The following SUSD6 variants were observed in gnomAD, a reference collection of about 807,000 sequenced individuals.
SUSD6 encodes sushi domain-containing protein 6.
Under a neutral mutation model 28.4 loss-of-function variants are expected in SUSD6, and 16 were observed. The observed-to-expected ratio is 0.56, with a 90% CI of 0.38 to 0.86. The LOEUF (loss-of-function observed/expected upper bound fraction) is 0.86, where lower values mean the gene tolerates loss of function less well. SUSD6 is among the 40% of genes least tolerant of loss of function. The pLI, the probability that SUSD6 is intolerant of heterozygous loss-of-function variation, is 0.00. For missense variants in SUSD6, 341 were observed against 384.2 expected (o/e 0.89, Z 0.94); for synonymous variants, 147 against 159.6 (o/e 0.92, Z 0.59).
rs192020617 is a variant in SUSD6, at chr14:69,637,455, C to G, written c.-80-21058C>G. Reference sequence around the variant, plus strand: ...AATGTTGAAGGAATGAATGTCCCCCCCTAACCAGGGTCAGCATACCCCAGT... The same window carrying G: ...AATGTTGAAGGAATGAATGTCCCCCGCTAACCAGGGTCAGCATACCCCAGT... On this transcript the variant is annotated intron_variant, in intron 1 of 5. Coordinates refer to ENST00000342745, the MANE Select transcript of SUSD6 (RefSeq NM_014734.4). Among the ~76,000 whole-genome samples the G allele has an allele frequency of 7.6e-4, 115 of 152,296 alleles. No homozygotes were observed. In the Middle Eastern group the frequency reaches 0.014, roughly 18 times the overall value.
chr14:69,660,992 T>C (rs1033142443), intron 2 of SUSD6, among the ~76,000 whole-genome samples: 1 of 152,196 alleles, frequency 6.6e-6, no homozygotes, highest in Non-Finnish European at 1.5e-5. Context: ...TAAGTATGCA[T>C]GTGAATGGAA....
chr14:69,667,750 T>G (rs1207004836), intron 2 of SUSD6, among the ~76,000 whole-genome samples: 1 of 152,164 alleles, frequency 6.6e-6, no homozygotes, highest in Non-Finnish European at 1.5e-5. Context: ...TGTGGCTCTC[T>G]GTTTTATACC....
intron 1 of SUSD6, among the ~76,000 whole-genome samples, chr14:69,655,258 T>G (rs916487529): frequency 1.3e-5 from 2 of 152,236 alleles, no homozygotes; most frequent in Non-Finnish European, 2.9e-5. Context: ...CCCTGTTCTT[T>G]TTAAACCTCT....
At chr14:69,666,333 C>G (rs1885741541) in intron 2 of SUSD6, among the ~76,000 whole-genome samples, 1 of 152,120 alleles carries the variant, frequency 6.6e-6, no homozygotes, top group African/African-American at 2.4e-5. Context: ...AGGGAGGCTA[C>G]CCTGTTGGTA....
At position 69,704,674 on chromosome 14, in the gene SUSD6, G is replaced by C. The variant is rs148189458; in HGVS notation, c.390G>C (p.Ala130=). ...TGGCTTCTACTGCCAGCTCCGTGGC[G>C]CTCATTCTCCTCCTCGTGGTGCTGT... is the stretch of plus-strand genomic sequence containing the variant. ...SIVASTASSV[A]LILLLVVLFV... is the part of the protein sequence containing the mutation. Residue 130 remains alanine (A), a synonymous_variant, in exon 4 of 6, where the codon GCG becomes GCC. Coordinates refer to ENST00000342745, the MANE Select transcript of SUSD6 (RefSeq NM_014734.4). 3 of 1,614,098 alleles carry C rather than the reference G, an allele frequency of 1.9e-6. No homozygotes were observed. The East Asian group carries it at 6.7e-5, about 36-fold the overall frequency.
rs942364614 is a variant in SUSD6, at chr14:69,713,048, C to A, written c.*2069C>A. 2 of 152,278 alleles carry A rather than the reference C, an allele frequency of 1.3e-5. No homozygotes were observed. Among genetic ancestry groups the A allele is most frequent in the African/African-American group, 4.8e-5 (2 of 41,466 alleles). The allele number at this position is 152,278 out of a possible 1,614,324, so 9.4% of individuals were successfully genotyped here. On this transcript the variant is annotated 3_prime_UTR_variant, in exon 6 of 6. Transcript: ENST00000342745. ...GGAGGGGTGGTAATCTGAAGTCTCA[C>A]TGCTGAGCCTTCAGCTTTTATTTTT...
At chr14:69,684,507 T>C (rs1458251059) in intron 2 of SUSD6, among the ~76,000 whole-genome samples, 1 of 152,172 alleles carries the variant, frequency 6.6e-6, no homozygotes, top group Non-Finnish European at 1.5e-5. Flanking sequence ...CCAGTAGAAG[T>C]AGGGAGAGTA....
At chr14:69,700,277 A>G (rs969004676) in intron 2 of SUSD6, among the ~76,000 whole-genome samples, 4 of 152,208 alleles carry the variant, frequency 2.6e-5, no homozygotes, top group Non-Finnish European at 4.4e-5. Flanking sequence ...CTATCTGCCT[A>G]AATAATTTCT....
At chr14:69,679,757 A>T (rs1885971126) in intron 2 of SUSD6, among the ~76,000 whole-genome samples, 1 of 152,162 alleles carries the variant, frequency 6.6e-6, no homozygotes, top group Non-Finnish European at 1.5e-5. Context: ...GTCAATTTTT[A>T]AAATATTTTT....
At chr14:69,622,645 G>A (rs541413667) in intron 1 of SUSD6, among the ~76,000 whole-genome samples, 56 of 152,280 alleles carry the variant, frequency 3.7e-4, no homozygotes, top group African/African-American at 1.3e-3. Context: ...GCAGGCTGGA[G>A]TGCAGTGGTG....
chr14:69,647,653 A>G (rs74247320), intron 1 of SUSD6, among the ~76,000 whole-genome samples: 7,087 of 145,316 alleles, frequency 0.049, 202 homozygotes, highest in East Asian at 0.15. Flanking sequence ...AACCCCCTGG[A>G]AAAAAAAAAA....
At chr14:69,639,245 G>T (rs1220694867) in intron 1 of SUSD6, among the ~76,000 whole-genome samples, 13 of 140,950 alleles carry the variant, frequency 9.2e-5, no homozygotes, top group African/African-American at 3.1e-4. Flanking sequence ...GGAGAATGGC[G>T]TGAACCCGGG....
At chr14:69,653,096 A>G (rs1198499523) in intron 1 of SUSD6, among the ~76,000 whole-genome samples, 1 of 152,212 alleles carries the variant, frequency 6.6e-6, no homozygotes, top group East Asian at 1.9e-4. Flanking sequence ...TCAAGGTCAG[A>G]GCTGTGGCTT....
At chr14:69,680,039 C>G (rs1312958425) in intron 2 of SUSD6, among the ~76,000 whole-genome samples, 1 of 152,150 alleles carries the variant, frequency 6.6e-6, no homozygotes, top group Non-Finnish European at 1.5e-5. Flanking sequence ...TCTTCAGATC[C>G]CTTTTGTTCA....
At chr14:69,644,775 G>A (rs903716710) in intron 1 of SUSD6, among the ~76,000 whole-genome samples, 3 of 152,126 alleles carry the variant, frequency 2.0e-5, no homozygotes, top group Non-Finnish European at 2.9e-5. Context: ...CTATTTGGAC[G>A]TTTGAAGGAC....
chr14:69,626,711 G>A (rs897176641), intron 1 of SUSD6, among the ~76,000 whole-genome samples: 7 of 151,924 alleles, frequency 4.6e-5, no homozygotes, highest in Non-Finnish European at 1.0e-4. Flanking sequence ...ATAGGGTCTT[G>A]TTCTGTTGCC....
intron 2 of SUSD6, among the ~76,000 whole-genome samples, chr14:69,693,827 T>C (rs1427372321): frequency 6.6e-6 from 1 of 152,178 alleles, no homozygotes; most frequent in African/African-American, 2.4e-5. Context: ...CCCAAGACTA[T>C]GCTCTTACTC....
intron 1 of SUSD6, among the ~76,000 whole-genome samples, chr14:69,651,490 G>C (rs1481853970): frequency 6.6e-6 from 1 of 152,206 alleles, no homozygotes; most frequent in Non-Finnish European, 1.5e-5. Flanking sequence ...TTTGATGTTT[G>C]CCTTTTCAAG....
chr14:69,623,607 C>G (rs1342083030), intron 1 of SUSD6, among the ~76,000 whole-genome samples: 2 of 152,184 alleles, frequency 1.3e-5, no homozygotes, highest in Non-Finnish European at 1.5e-5. Context: ...CAGCCTCAGG[C>G]AGATCCTTCA....
Sources: gnomAD v4.1 joint callset for allele counts (sites outside exome capture counted in the v4.1 genomes callset) on GRCh38, gnomAD v4.1.1 for gene constraint, MANE v1.5 for transcripts, NCBI Gene and HGNC (gene_info 2026-07-23, HGNC 2026-07-21) for gene names.